The following EZH2 variants were observed in gnomAD, a reference collection of about 807,000 sequenced individuals.
EZH2 encodes the protein enhancer of zeste 2 polycomb repressive complex 2 subunit.
Under a neutral mutation model 98.4 loss-of-function variants are expected in EZH2, and 18 were observed. That is an observed-to-expected ratio of 0.18 (90% CI 0.13 to 0.27). EZH2 has a LOEUF of 0.27. EZH2 is among the 10% of genes least tolerant of loss of function. The probability of loss-of-function intolerance (pLI) is 1.00; values close to 1 mark genes in which losing one functional copy is unlikely to be tolerated. For synonymous variants in EZH2, 338 were observed against 312.3 expected (o/e 1.08, Z -0.87); for missense variants, 470 against 935.1 (o/e 0.50, Z 6.49).
intron 3 of EZH2, among the ~76,000 whole-genome samples, chr7:148,845,714 A>C (rs1269747217): frequency 6.6e-6 from 1 of 152,204 alleles, no homozygotes; most frequent in African/African-American, 2.4e-5. Flanking sequence ...TCAGATAAAC[A>C]ATCTACTACA....
intron 3 of EZH2, among the ~76,000 whole-genome samples, chr7:148,833,456 CAA>C (rs770977896): frequency 1.3e-5 from 1 of 77,344 alleles, no homozygotes. Context: ...AACTCCGTCT[CAA>C]AAAAAAAAAA....
At chr7:148,877,595 G>A (rs931179868) in intron 1 of EZH2, among the ~76,000 whole-genome samples, 3 of 152,094 alleles carry the variant, frequency 2.0e-5, no homozygotes, top group Non-Finnish European at 4.4e-5. Flanking sequence ...AAGACATCAA[G>A]AGGATAACAC....
At chr7:148,807,893 G>A (rs375285161) in intron 19 of EZH2, among the ~76,000 whole-genome samples, 187 bp from the exon 20 acceptor site, 1 of 151,366 alleles carries the variant, frequency 6.6e-6, no homozygotes, top group Non-Finnish European at 1.5e-5. Context: ...GCAATGCATA[G>A]GTCTGTGTTG....
chr7:148,826,283 T>C (rs945138671), intron 8 of EZH2, among the ~76,000 whole-genome samples, 171 bp downstream of exon 8: 9 of 151,218 alleles, frequency 6.0e-5, no homozygotes, highest in African/African-American at 2.2e-4. Flanking sequence ...ATGCAAAAGA[T>C]TTCAGAGCAA....
intron 8 of EZH2, among the ~76,000 whole-genome samples, chr7:148,820,027 C>A (rs1337247550): frequency 6.6e-6 from 1 of 152,024 alleles, no homozygotes; most frequent in Non-Finnish European, 1.5e-5. Flanking sequence ...GTTGATAGAC[C>A]CTCTACAATT....
intron 4 of EZH2, among the ~76,000 whole-genome samples, chr7:148,831,252 T>C (rs1010328221): frequency 1.3e-5 from 2 of 152,224 alleles, no homozygotes; most frequent in Non-Finnish European, 2.9e-5. Context: ...AAGGAGCATA[T>C]AATTAAAATG....
chr7:148,879,238 C>A (rs1448108244), intron 1 of EZH2, among the ~76,000 whole-genome samples: 1 of 141,776 alleles, frequency 7.1e-6, no homozygotes, highest in Non-Finnish European at 1.5e-5. Flanking sequence ...AAAACAAAAA[C>A]AAAAACAAAA....
chr7:148,865,624 C>A (rs1272185474), intron 1 of EZH2, among the ~76,000 whole-genome samples: 1 of 152,186 alleles, frequency 6.6e-6, no homozygotes, highest in Non-Finnish European at 1.5e-5. Context: ...GAAAAATGGG[C>A]TGGTCTTGAA....
At chr7:148,883,019 T>G (rs1479156244) in intron 1 of EZH2, among the ~76,000 whole-genome samples, 1 of 152,258 alleles carries the variant, frequency 6.6e-6, no homozygotes, top group Admixed American at 6.5e-5. Flanking sequence ...CATTCTATTT[T>G]GATCACCTAC....
At chr7:148,833,553 T>C (rs1008073697) in intron 3 of EZH2, among the ~76,000 whole-genome samples, 2 of 152,200 alleles carry the variant, frequency 1.3e-5, no homozygotes, top group Admixed American at 6.5e-5. Context: ...TAAGTGTCAA[T>C]TGCTGATATT....
intron 3 of EZH2, among the ~76,000 whole-genome samples, chr7:148,840,544 A>C (rs1812159616): frequency 6.6e-6 from 1 of 152,180 alleles, no homozygotes; most frequent in African/African-American, 2.4e-5. Context: ...GTGTTATCTA[A>C]ATTTTTACAA....
chr7:148,813,057 A>ACACGCACACG (rs149286628), intron 15 of EZH2, among the ~76,000 whole-genome samples: 2 of 147,762 alleles, frequency 1.4e-5, no homozygotes, highest in Non-Finnish European at 3.0e-5. Flanking sequence ...CCACATACAC[A>ACACGCACACG]CACACACACA....
Position 148,871,577 on chromosome 7 carries a change from C to CTT in EZH2, c.-8+12585_-8+12586dup, listed in dbSNP as rs376098406. Among the ~76,000 whole-genome samples the CTT allele has an allele frequency of 2.7e-3, 363 of 135,242 alleles. 5 individuals are homozygous for CTT. The highest frequency in any genetic ancestry group is 3.1e-3 in the Non-Finnish European group (197 of 63,162). The allele number at this position is 135,242 out of a possible 152,430, so 88.7% of individuals were successfully genotyped here. On this transcript the variant is annotated intron_variant, in intron 1 of 19. Coordinates refer to ENST00000320356, the MANE Select transcript of EZH2 (RefSeq NM_004456.5). ...TCACATCCCACAAATAGTGTATTTTCTTTTTTTTTTTTTTTGAGCAGGGTC... is the reference window on the plus strand; with the variant it reads ...TCACATCCCACAAATAGTGTATTTTCTTTTTTTTTTTTTTTTTGAGCAGGGTC...
At chr7:148,862,182 T>C (rs1184080926) in intron 1 of EZH2, among the ~76,000 whole-genome samples, 4 of 152,142 alleles carry the variant, frequency 2.6e-5, no homozygotes, top group Non-Finnish European at 5.9e-5. Flanking sequence ...GAATCCGAAA[T>C]TGTATCAGTG....
intron 1 of EZH2, among the ~76,000 whole-genome samples, chr7:148,881,554 C>T (rs1271094908): frequency 2.0e-5 from 3 of 151,906 alleles, no homozygotes; most frequent in Non-Finnish European, 4.4e-5. Context: ...AAACCAATTC[C>T]CCAAAGAGAT....
Position 148,817,176 on chromosome 7 carries a change from T to C in EZH2, c.1410+46A>G, listed in dbSNP as rs1175762588. The C allele has an allele frequency of 8.3e-6, 13 of 1,560,792 alleles. No homozygotes were observed. The South Asian group carries it at 1.3e-4, about 16-fold the overall frequency. ...TTTGGACAACGAGTACAGTTTTATC[T>C]CTATGTTTGAAGCTCTTTTAACAAC... is the stretch of plus-strand genomic sequence containing the variant. On this transcript the variant is annotated intron_variant, in intron 11 of 19. Coordinates refer to ENST00000320356, the MANE Select transcript of EZH2 (RefSeq NM_004456.5).
At chr7:148,825,260 T>C (rs1807363675) in intron 8 of EZH2, among the ~76,000 whole-genome samples, 1 of 152,208 alleles carries the variant, frequency 6.6e-6, no homozygotes, top group Non-Finnish European at 1.5e-5. Context: ...AGACAACTAT[T>C]TCAAGGGCTT....
chr7:148,839,053 T>TG (rs372317148), intron 3 of EZH2, among the ~76,000 whole-genome samples: 1 of 107,744 alleles, frequency 9.3e-6, no homozygotes, highest in Admixed American at 1.0e-4. Flanking sequence ...CTCTGTCAAA[T>TG]AAGGAAGGAA....
chr7:148,872,472 T>C (rs1313259424), intron 1 of EZH2, among the ~76,000 whole-genome samples: 2 of 152,230 alleles, frequency 1.3e-5, no homozygotes, highest in Non-Finnish European at 2.9e-5. Flanking sequence ...GTAAACATGA[T>C]TAATTTACTA....
Sources: gnomAD v4.1 joint callset for allele counts (sites outside exome capture counted in the v4.1 genomes callset) on GRCh38, gnomAD v4.1.1 for gene constraint, MANE v1.5 for transcripts, NCBI Gene and HGNC (gene_info 2026-07-23, HGNC 2026-07-21) for gene names.